ABTB3: variants seen among roughly 807,000 people sequenced by gnomAD.
ABTB3 encodes the protein ankyrin repeat- and BTB/POZ domain-containing protein 3.
chr12:107,602,768 T>C, the ABTB3 span, among the ~76,000 whole-genome samples: 7 of 152,266 alleles, frequency 4.6e-5, no homozygotes, highest in Non-Finnish European at 1.0e-4. Flanking sequence ...CATCCAGAGA[T>C]CAGCAGAATG....
the ABTB3 span, chr12:107,618,053 C>T: frequency 9.6e-7 from 1 of 1,040,392 alleles, no homozygotes; most frequent in Non-Finnish European, 1.4e-6. Context: ...TGTCATCACC[C>T]CTCCCAAGCT....
the ABTB3 span, among the ~76,000 whole-genome samples, chr12:107,337,776 T>C: frequency 6.6e-6 from 1 of 152,220 alleles, no homozygotes; most frequent in African/African-American, 2.4e-5. Flanking sequence ...TGTCTAGATG[T>C]TGTTAAGGCA....
chr12:107,491,072 T>G, the ABTB3 span, among the ~76,000 whole-genome samples: 97 of 152,186 alleles, frequency 6.4e-4, 1 homozygote, highest in Non-Finnish European at 2.5e-4. Flanking sequence ...TAATAATGAC[T>G]ATACATCTGA....
At chr12:107,331,281 T>G in the ABTB3 span, among the ~76,000 whole-genome samples, 1 of 152,238 alleles carries the variant, frequency 6.6e-6, no homozygotes. Flanking sequence ...GGGCTCACCC[T>G]CGTGAGCAAA....
At chr12:107,422,287 A>T in the ABTB3 span, among the ~76,000 whole-genome samples, 1 of 152,156 alleles carries the variant, frequency 6.6e-6, no homozygotes, top group African/African-American at 2.4e-5. Flanking sequence ...AGAGTGATGG[A>T]AGATGGGTCA....
chr12:107,546,954 T>C, the ABTB3 span, among the ~76,000 whole-genome samples: 17 of 151,462 alleles, frequency 1.1e-4, no homozygotes, highest in Admixed American at 7.9e-4. Context: ...AGCACTTTGG[T>C]AGGCCAAGGC....
At chr12:107,614,270 GA>G in the ABTB3 span, among the ~76,000 whole-genome samples, 1 of 152,116 alleles carries the variant, frequency 6.6e-6, no homozygotes, top group African/African-American at 2.4e-5. Context: ...CCTCCATCCT[GA>G]AAGACCAATC....
the ABTB3 span, chr12:107,618,453 A>G: frequency 5.6e-6 from 7 of 1,260,966 alleles, no homozygotes; most frequent in East Asian, 7.5e-5. Flanking sequence ...GAACACGCAC[A>G]TGCGCGCACA....
chr12:107,437,700 C>T, the ABTB3 span, among the ~76,000 whole-genome samples: 11 of 152,184 alleles, frequency 7.2e-5, no homozygotes, highest in Non-Finnish European at 1.6e-4. Flanking sequence ...CCACACCCGG[C>T]CGGAGCCATC....
the ABTB3 span, among the ~76,000 whole-genome samples, chr12:107,354,028 G>GT: frequency 1.3e-5 from 2 of 152,004 alleles, no homozygotes; most frequent in Non-Finnish European, 1.5e-5. Context: ...TTTTTGGTGT[G>GT]TTTTTTTCTG....
chr12:107,477,996 T>C, the ABTB3 span, among the ~76,000 whole-genome samples: 1 of 152,186 alleles, frequency 6.6e-6, no homozygotes, highest in Non-Finnish European at 1.5e-5. Flanking sequence ...CTCTAAGCCC[T>C]TTGGGAAGAA....
chr12:107,343,291 G>C, the ABTB3 span, among the ~76,000 whole-genome samples: 18 of 152,280 alleles, frequency 1.2e-4, no homozygotes, highest in African/African-American at 4.1e-4. Flanking sequence ...TGGGATTACA[G>C]ACATGAGCCA....
At chr12:107,332,744 G>T in the ABTB3 span, among the ~76,000 whole-genome samples, 1 of 152,166 alleles carries the variant, frequency 6.6e-6, no homozygotes, top group African/African-American at 2.4e-5. Context: ...GGGGAGGAGG[G>T]GAAAAGATGT....
the ABTB3 span, among the ~76,000 whole-genome samples, chr12:107,358,087 G>A: frequency 6.6e-6 from 1 of 152,098 alleles, no homozygotes; most frequent in African/African-American, 2.4e-5. Context: ...TGGGGTCCAG[G>A]AGTAAATAGC....
At chr12:107,573,378 T>A in the ABTB3 span, among the ~76,000 whole-genome samples, 1 of 152,098 alleles carries the variant, frequency 6.6e-6, no homozygotes, top group African/African-American at 2.4e-5. Flanking sequence ...TGTGTACATG[T>A]TGGCGGAAAG....
chr12:107,657,403 C>A, the ABTB3 span: 1 of 950,694 alleles, frequency 1.1e-6, no homozygotes, highest in Non-Finnish European at 1.7e-6. Context: ...CATTCTGCAG[C>A]CAGTCTTCCT....
chr12:107,342,099 A>G, the ABTB3 span, among the ~76,000 whole-genome samples: 1 of 152,180 alleles, frequency 6.6e-6, no homozygotes, highest in Admixed American at 6.5e-5. Context: ...GACCTCCAGG[A>G]GACTAAGCTG....
chr12:107,567,711 C>A, the ABTB3 span, among the ~76,000 whole-genome samples: 1 of 152,302 alleles, frequency 6.6e-6, no homozygotes, highest in East Asian at 1.9e-4. Context: ...AGATCACAGG[C>A]CGCATTCGAT....
chr12:107,450,652 C>T, the ABTB3 span, among the ~76,000 whole-genome samples: 1 of 152,166 alleles, frequency 6.6e-6, no homozygotes, highest in Non-Finnish European at 1.5e-5. Flanking sequence ...GGTTTGTCGA[C>T]AAACTCTAAT....
Sources: gnomAD v4.1 joint callset for allele counts (sites outside exome capture counted in the v4.1 genomes callset) on GRCh38, gnomAD v4.1.1 for gene constraint, MANE v1.5 for transcripts, NCBI Gene and HGNC (gene_info 2026-07-23, HGNC 2026-07-21) for gene names.